The following CERS1 variants were observed in gnomAD, a reference collection of about 807,000 sequenced individuals.
CERS1 encodes the protein ceramide synthase 1.
In CERS1, 16 loss-of-function variants were observed where a neutral mutation model predicts 35.7. The ratio of observed to expected loss-of-function variants is 0.45; its 90% CI spans 0.30 to 0.68. The LOEUF is 0.68. Ranked by LOEUF, CERS1 falls within the 30% of genes least tolerant of loss-of-function variation. The pLI is 0.08. For missense variants in CERS1, 454 were observed against 453.9 expected, an observed-to-expected ratio of 1.00 and a Z score of 0.00; for synonymous variants, 243 against 201.6, an observed-to-expected ratio of 1.21 and a Z score of -1.74.
chr19:18,893,772 C>G (rs549655546), intron 1 of CERS1, among the ~76,000 whole-genome samples, 197 bp from the exon 2 acceptor site: 3 of 151,946 alleles, frequency 2.0e-5, no homozygotes, highest in African/African-American at 7.3e-5. Context: ...CCCAGCTGTC[C>G]GGCCGCCGCG....
intron 2 of CERS1, among the ~76,000 whole-genome samples, chr19:18,891,085 T>C (rs1366429252): frequency 5.3e-5 from 8 of 151,356 alleles, no homozygotes; most frequent in East Asian, 1.9e-4. Flanking sequence ...GATCGTGCCA[T>C]TGCACTCCAG....
chr19:18,873,840 C>T (rs1438970867), intron 6 of CERS1, among the ~76,000 whole-genome samples: 5 of 132,048 alleles, frequency 3.8e-5, no homozygotes, highest in Admixed American at 7.9e-5. Context: ...GACTCTGTCT[C>T]GAAAAAAAAA....
intron 4 of CERS1, 101 bp downstream of exon 4, chr19:18,880,173 C>T (rs2018392): frequency 0.88 from 1,063,042 of 1,206,744 alleles, 469,348 homozygotes; most frequent in Admixed American, 0.92. Flanking sequence ...CCCACCTCAC[C>T]GGGCCCCGCC....
intron 7 of CERS1, 148 bp downstream of exon 7, chr19:18,869,835 G>A: frequency 1.4e-6 from 1 of 736,568 alleles, no homozygotes; most frequent in Admixed American, 2.1e-5. Context: ...CGAGGAAAGG[G>A]TGAGGTGCGG....
In CERS1 at chr19:18,870,399, AG is replaced by A; in HGVS notation, c.*177del. 8.2e-7 allele frequency: 1 copy of A among 1,221,132 alleles called. No homozygotes were observed. The highest frequency in any genetic ancestry group is 1.1e-6 in the Non-Finnish European group (1 of 918,674). The allele number at this position is 1,221,132 out of a possible 1,614,324, so 75.6% of individuals were successfully genotyped here. ...GCGGGGCCGGTGTCCCCGGAGGGGC[AG>A]GGGTCCTGGGGGGCGTGGCCGGGAA... On this transcript the variant is annotated 3_prime_UTR_variant, in exon 7 of 8. Transcript: ENST00000623882. The surrounding 1 kb of genome is among the most constrained non-coding windows in gnomAD (Gnocchi z 5.1).
Position 18,869,181 on chromosome 19 carries a change from C to G in CERS1, c.*804G>C. On this transcript the variant is annotated 3_prime_UTR_variant, in exon 8 of 8. Coordinates refer to ENST00000623882, the MANE Select transcript of CERS1 (RefSeq NM_021267.5). ...ACCAACTGGCGGAGCAGCACCGGCC[C>G]GGGGTCCGCGCCCGCGCCCTGGCCC... The G allele has an allele frequency of 8.6e-7, 1 of 1,165,088 alleles. No individual in the cohort carries two copies. Among genetic ancestry groups the G allele is most frequent in the Non-Finnish European group, 1.1e-6 (1 of 946,436 alleles). The allele number at this position is 1,165,088 out of a possible 1,614,324, so 72.2% of individuals were successfully genotyped here. A position where few individuals can be genotyped will look rare whatever the true frequency, so the allele number is the denominator to read the frequency against.
intron 6 of CERS1, among the ~76,000 whole-genome samples, chr19:18,873,841 GAA>G (rs35266368): frequency 6.8e-5 from 8 of 116,826 alleles, no homozygotes; most frequent in Admixed American, 1.8e-4. Flanking sequence ...ACTCTGTCTC[GAA>G]AAAAAAAAAA....
intron 2 of CERS1, among the ~76,000 whole-genome samples, chr19:18,891,486 C>T (rs1000606848): frequency 7.9e-5 from 12 of 152,174 alleles, no homozygotes; most frequent in African/African-American, 1.4e-4. Flanking sequence ...TCACACAGAG[C>T]GCGCTGCAGT....
intron 7 of CERS1, 69 bp from the exon 8 acceptor site, chr19:18,869,459 G>T (rs1436518858): frequency 1.3e-6 from 2 of 1,500,110 alleles, no homozygotes; most frequent in Non-Finnish European, 1.8e-6. Context: ...CTCGGTTAGG[G>T]ACAGGGAGGA....
Position 18,868,557 on chromosome 19 carries a change from C to T in CERS1, c.*1428G>A, listed in dbSNP as rs1346381343. ...AAGGAGACCAGCGGAGCAGACCACG[C>T]GGCATTTATTGTTGGGCCCGCGTCC... On this transcript the variant is annotated 3_prime_UTR_variant, in exon 8 of 8. Transcript: ENST00000623882. 9.6e-6 allele frequency: 14 copies of T among 1,463,392 alleles called. No homozygotes were observed. The highest frequency in any genetic ancestry group is 2.4e-5 in the South Asian group (2 of 82,364). 90.7% of individuals were successfully genotyped at this position (1,463,392 alleles called of 1,614,324 possible).
Position 18,884,222 on chromosome 19 carries a change from T to G in CERS1, c.455A>C (p.Tyr152Ser). Residue 152 changes from tyrosine (Y) to serine (S), a missense_variant, in exon 3 of 8, where the codon TAC becomes TCC. Tyr to Ser is a moderately radical substitution (Grantham distance 144). Transcript: ENST00000623882. ...MAVPRDIAAA[Y>S]LLQGSFYGHS... ...GCCATAGAAGCTTCCCTGGAGCAGG[T>G]AGGCGGCTGCAATGTCCCGTGGCAC... 6.2e-7 allele frequency: 1 copy of G among 1,613,316 alleles called. No individual in the cohort carries two copies. The highest frequency in any genetic ancestry group is 8.5e-7 in the Non-Finnish European group (1 of 1,179,796).
chr19:18,884,858 C>T lies in CERS1; in HGVS notation c.410-591G>A, dbSNP rs1285668030. Among the ~76,000 whole-genome samples the T allele has an allele frequency of 3.3e-5, 5 of 151,650 alleles. No homozygotes were observed. In the South Asian group the frequency reaches 8.4e-4, roughly 25 times the overall value. On this transcript the variant is annotated intron_variant, in intron 2 of 7. Transcript: ENST00000623882. ...CCTCCAGAGTAGCTGGGATTACAGG[C>T]GCTGGACACCATGCCCGGCTAATTT... is the stretch of plus-strand genomic sequence containing the variant.
chr19:18,869,037 A>G lies in CERS1; in HGVS notation c.*948T>C. On this transcript the variant is annotated 3_prime_UTR_variant, in exon 8 of 8. Coordinates refer to ENST00000623882, the MANE Select transcript of CERS1 (RefSeq NM_021267.5). ...AGCGAGGCCTCGGCCAGGCGCGCGC[A>G]GGCGGCAGGGGCCCGGGGGCGTAGC... 9.3e-7 allele frequency: 1 copy of G among 1,073,350 alleles called. No homozygotes were observed. The highest frequency in any genetic ancestry group is 1.1e-6 in the Non-Finnish European group (1 of 887,680). 66.5% of individuals were successfully genotyped at this position (1,073,350 alleles called of 1,614,324 possible).
chr19:18,885,511 G>GTGTT (rs2056327287), intron 2 of CERS1, among the ~76,000 whole-genome samples: 2 of 22,122 alleles, frequency 9.0e-5, no homozygotes, highest in Non-Finnish European at 1.2e-4. Flanking sequence ...GCCCCTTCTC[G>GTGTT]TTTTTTTTTT....
At chr19:18,872,944 C>G (rs754116186) in intron 6 of CERS1, among the ~76,000 whole-genome samples, 4 of 152,332 alleles carry the variant, frequency 2.6e-5, no homozygotes, top group African/African-American at 9.6e-5. Context: ...GCCACCATGC[C>G]GGGCCGAGAT....
intron 2 of CERS1, among the ~76,000 whole-genome samples, chr19:18,885,084 C>G (rs1225993835): frequency 6.6e-6 from 1 of 152,116 alleles, no homozygotes; most frequent in African/African-American, 2.4e-5. Flanking sequence ...ACAGAAAGTT[C>G]CTTTCTTTCT....
At chr19:18,893,862 A>C (rs2056559066) in intron 1 of CERS1, among the ~76,000 whole-genome samples, 1 of 151,404 alleles carries the variant, frequency 6.6e-6, no homozygotes, top group African/African-American at 2.4e-5. Context: ...ACTTGGGCTT[A>C]CGATGAGGGA....
intron 2 of CERS1, among the ~76,000 whole-genome samples, 174 bp downstream of exon 2, chr19:18,893,242 T>C (rs1320515889): frequency 6.6e-6 from 1 of 151,790 alleles, no homozygotes; most frequent in Non-Finnish European, 1.5e-5. Flanking sequence ...CAAGACAGGG[T>C]CTCACTCTGT....
At position 18,868,945 on chromosome 19, in the gene CERS1, G is replaced by A. The variant is rs1478841372; in HGVS notation, c.*1040C>T. 2.4e-6 allele frequency: 3 copies of A among 1,240,250 alleles called. No homozygotes were observed. The highest frequency in any genetic ancestry group is 3.3e-5 in the African/African-American group (2 of 60,624). 76.8% of individuals were successfully genotyped at this position (1,240,250 alleles called of 1,614,324 possible). ...CGCCCCCGGGGCCGCCGCCCAACACGGGTTCGGCGTCGCGCCGCGGCCGGG... is the reference window on the plus strand; with the variant it reads ...CGCCCCCGGGGCCGCCGCCCAACACAGGTTCGGCGTCGCGCCGCGGCCGGG... On this transcript the variant is annotated 3_prime_UTR_variant, in exon 8 of 8. Transcript: ENST00000623882.
Sources: gnomAD v4.1 joint callset for allele counts (sites outside exome capture counted in the v4.1 genomes callset) on GRCh38, gnomAD v4.1.1 for gene constraint, Gnocchi (gnomAD v3.1) non-coding constraint, MANE v1.5 for transcripts, NCBI Gene and HGNC (gene_info 2026-07-23, HGNC 2026-07-21) for gene names.